Variants in IKZF3 observed in about 807,000 individuals in gnomAD.
IKZF3 encodes the protein zinc finger protein Aiolos.
A neutral mutation model predicts 49.0 loss-of-function variants in IKZF3; 10 were observed. The observed-to-expected ratio is 0.20, with a 90% CI of 0.13 to 0.35. The LOEUF is 0.35. IKZF3 is among the 10% of genes least tolerant of loss of function. The pLI, the probability that IKZF3 is intolerant of heterozygous loss-of-function variation, is 1.00. For synonymous variants in IKZF3, 209 were observed against 228.2 expected (o/e 0.92, Z 0.76); for missense variants, 498 against 664.8 (o/e 0.75, Z 2.76).
rs2060195820 is a variant in IKZF3, at chr17:39,762,038, G to T, written c.*3752C>A. The T allele has an allele frequency of 6.6e-6, 1 of 152,282 alleles. No individual in the cohort carries two copies. Among genetic ancestry groups the T allele is most frequent in the African/African-American group, 2.4e-5 (1 of 41,440 alleles). 9.4% of individuals were successfully genotyped at this position (152,282 alleles called of 1,614,324 possible). A position where few individuals can be genotyped will look rare whatever the true frequency, so the allele number is the denominator to read the frequency against. ...GGGTTTGGTTGTTCCTCAGACCGTG[G>T]CCTCCTGGGTGTATGGTGGAAAGCC... On this transcript the variant is annotated 3_prime_UTR_variant, in exon 8 of 8. Coordinates refer to ENST00000346872, the MANE Select transcript of IKZF3 (RefSeq NM_012481.5).
At chr17:39,862,839 A>AT (rs1215631308) in intron 1 of IKZF3, among the ~76,000 whole-genome samples, 1 of 152,164 alleles carries the variant, frequency 6.6e-6, no homozygotes, top group African/African-American at 2.4e-5. Context: ...AACCTAAGAT[A>AT]TGCTATTTAG....
At chr17:39,824,394 A>G (rs1479642205) in intron 3 of IKZF3, among the ~76,000 whole-genome samples, 4 of 152,060 alleles carry the variant, frequency 2.6e-5, no homozygotes, top group Non-Finnish European at 5.9e-5. Flanking sequence ...GTCTCAGATG[A>G]GACTTTGGAC....
At chr17:39,861,848 C>T (rs1383061891) in intron 1 of IKZF3, among the ~76,000 whole-genome samples, 1 of 152,090 alleles carries the variant, frequency 6.6e-6, no homozygotes, top group Non-Finnish European at 1.5e-5. Context: ...CTCAGAGTTG[C>T]CGAGATAAAC....
chr17:39,812,751 G>A (rs546522494), intron 3 of IKZF3, among the ~76,000 whole-genome samples: 20 of 152,274 alleles, frequency 1.3e-4, no homozygotes, highest in African/African-American at 4.6e-4. Context: ...TGTTTCATGC[G>A]TTCTCTTAAT....
rs550025909 is a variant in IKZF3 at position 39,846,876 on chromosome 17, C to T, written c.8-14725G>A. Among the ~76,000 whole-genome samples, 10 of 151,976 alleles carry T rather than the reference C, an allele frequency of 6.6e-5. No individual in the cohort carries two copies. In the South Asian group the frequency reaches 2.1e-3, roughly 32 times the overall value. On this transcript the variant is annotated intron_variant, in intron 1 of 7. Coordinates refer to ENST00000346872, the MANE Select transcript of IKZF3 (RefSeq NM_012481.5). Reference sequence around the variant, plus strand: ...AGGAAGTATAAGCACTAAAGGAAAGCAAAATGTCAAATCTCAGAAAGAATC... The same window carrying T: ...AGGAAGTATAAGCACTAAAGGAAAGTAAAATGTCAAATCTCAGAAAGAATC...
intron 1 of IKZF3, among the ~76,000 whole-genome samples, chr17:39,842,100 C>T (rs1360721498): frequency 7.4e-6 from 1 of 134,650 alleles, no homozygotes; most frequent in African/African-American, 2.8e-5. Context: ...TATGGGTATA[C>T]ATAAATACAG....
Position 39,855,926 on chromosome 17 carries a change from CGAT to C in IKZF3, c.7+8191_7+8193del, listed in dbSNP as rs555288943. ...ATAAGTATTTAAGATTTATAATATA[CGAT>C]GATGATGTAACATGTATTATAATAT... On this transcript the variant is annotated intron_variant, in intron 1 of 7. Coordinates refer to ENST00000346872, the MANE Select transcript of IKZF3 (RefSeq NM_012481.5). Among the ~76,000 whole-genome samples the C allele has an allele frequency of 9.3e-5, 14 of 150,756 alleles. No homozygotes were observed. In the South Asian group the frequency reaches 1.0e-3, roughly 11 times the overall value.
intron 3 of IKZF3, among the ~76,000 whole-genome samples, chr17:39,802,986 T>C (rs2061356449): frequency 6.6e-6 from 1 of 152,210 alleles, no homozygotes; most frequent in South Asian, 2.1e-4. Context: ...AGCTCATTCA[T>C]GGGCATAATA....
intron 1 of IKZF3, among the ~76,000 whole-genome samples, chr17:39,842,509 A>G (rs1230206411): frequency 1.3e-5 from 2 of 152,230 alleles, no homozygotes; most frequent in African/African-American, 2.4e-5. Context: ...AATGAAGTGG[A>G]TATCTTAAAA....
chr17:39,840,250 G>A (rs2062427384), intron 1 of IKZF3, among the ~76,000 whole-genome samples: 1 of 152,150 alleles, frequency 6.6e-6, no homozygotes, highest in South Asian at 2.1e-4. Context: ...AGCCCTCTCT[G>A]GCTTTCTCCA....
intron 1 of IKZF3, among the ~76,000 whole-genome samples, chr17:39,858,410 C>A (rs1259596108): frequency 2.0e-5 from 3 of 152,176 alleles, no homozygotes. Context: ...TTGCCAATTC[C>A]ACTGTTATAA....
intron 1 of IKZF3, among the ~76,000 whole-genome samples, chr17:39,844,949 G>A (rs1411522562): frequency 6.6e-6 from 1 of 152,144 alleles, no homozygotes; most frequent in Non-Finnish European, 1.5e-5. Context: ...TGAGAACAGT[G>A]ATGTTGTCTG....
chr17:39,858,664 C>A (rs1054881553), intron 1 of IKZF3, among the ~76,000 whole-genome samples: 1 of 151,942 alleles, frequency 6.6e-6, no homozygotes, highest in African/African-American at 2.4e-5. Context: ...GCGCCTGTAA[C>A]CATCAAGTAC....
intron 7 of IKZF3, among the ~76,000 whole-genome samples, chr17:39,775,213 A>T (rs1321863070): frequency 6.6e-6 from 1 of 152,142 alleles, no homozygotes; most frequent in African/African-American, 2.4e-5. Flanking sequence ...CGAAAAAAAA[A>T]AAAAATTCCC....
Position 39,788,329 on chromosome 17 carries a change from T to C in IKZF3, c.638A>G (p.Gln213Arg). 6.2e-7 allele frequency: 1 copy of C among 1,613,872 alleles called. No homozygotes were observed. Among genetic ancestry groups the C allele is most frequent in the Non-Finnish European group, 8.5e-7 (1 of 1,179,862 alleles). The change falls in exon 6 of 8, where the codon CAG (glutamine) becomes CGG (arginine). Residue 213 changes from glutamine to arginine, a missense_variant. Physicochemically the swap from Gln to Arg is conservative, Grantham distance 43. This residue lies in a region of IKZF3 where 84 missense variants were observed against 168.6 expected (regional missense o/e 0.50). Coordinates refer to ENST00000346872, the MANE Select transcript of IKZF3 (RefSeq NM_012481.5). ...CTTGTGCTCCTCAAGGGAACTTCTC[T>C]GCTTGTAACTCCTTCCACAAAACTC... ...KCEFCGRSYK[Q>R]RSSLEEHKER...
chr17:39,776,525 T>C (rs1597973251), intron 7 of IKZF3, among the ~76,000 whole-genome samples: 2 of 152,350 alleles, frequency 1.3e-5, no homozygotes, highest in East Asian at 3.9e-4. Context: ...AACTTTTCTC[T>C]GACACAATTT....
intron 1 of IKZF3, among the ~76,000 whole-genome samples, chr17:39,860,895 G>A (rs946958377): frequency 3.9e-5 from 6 of 152,178 alleles, no homozygotes; most frequent in African/African-American, 1.4e-4. Context: ...GGCTTTAAGT[G>A]ACAGTCTAGC....
intron 1 of IKZF3, among the ~76,000 whole-genome samples, chr17:39,859,205 A>G (rs1328854718): frequency 6.6e-6 from 1 of 152,010 alleles, no homozygotes; most frequent in Non-Finnish European, 1.5e-5. Context: ...AACCTCATTC[A>G]GAATCACTAG....
intron 3 of IKZF3, among the ~76,000 whole-genome samples, chr17:39,822,803 C>T (rs1430234665): frequency 2.0e-5 from 3 of 151,954 alleles, no homozygotes; most frequent in African/African-American, 4.8e-5. Flanking sequence ...AAGATGGTCT[C>T]GATCTCCTGA....
Sources: gnomAD v4.1 joint callset for allele counts (sites outside exome capture counted in the v4.1 genomes callset) on GRCh38, gnomAD v4.1.1 for gene constraint, gnomAD v4.1.1 regional missense constraint, MANE v1.5 for transcripts, NCBI Gene and HGNC (gene_info 2026-07-23, HGNC 2026-07-21) for gene names.